Variants in KLF12 observed in about 807,000 individuals in gnomAD.
KLF12 encodes KLF transcription factor 12.
Under a neutral mutation model 37.8 loss-of-function variants are expected in KLF12, and 9 were observed. That is an observed-to-expected ratio of 0.24 (90% CI 0.14 to 0.42). KLF12 has a LOEUF of 0.42. KLF12 is among the 10% of genes least tolerant of loss of function. KLF12 has a pLI of 1.00. For missense variants in KLF12, 411 were observed against 516.0 expected (o/e 0.80, Z 1.97); for synonymous variants, 208 against 202.1 (o/e 1.03, Z -0.25).
the KLF12 span, among the ~76,000 whole-genome samples, chr13:74,239,765 C>T: frequency 6.6e-6 from 1 of 151,720 alleles, no homozygotes; most frequent in Non-Finnish European, 1.5e-5. Context: ...GATTGCAACC[C>T]CTGCCTTTTT....
intron 1 of KLF12, among the ~76,000 whole-genome samples, chr13:74,009,119 T>C (rs945798149): frequency 1.3e-5 from 2 of 152,232 alleles, no homozygotes; most frequent in Non-Finnish European, 1.5e-5. Flanking sequence ...ATTTCTTTTC[T>C]AAGCACAGTT....
chr13:74,106,001 T>C (rs1014109824), intron 1 of KLF12, among the ~76,000 whole-genome samples: 1 of 152,176 alleles, frequency 6.6e-6, no homozygotes, highest in African/African-American at 2.4e-5. Context: ...AATGGTGTAA[T>C]TGAACTTCAC....
intron 3 of KLF12, among the ~76,000 whole-genome samples, chr13:73,854,442 A>G (rs1474742526): frequency 6.6e-6 from 1 of 152,226 alleles, no homozygotes; most frequent in Non-Finnish European, 1.5e-5. Context: ...CAAATTTCAG[A>G]GAAAGAAAAC....
intron 1 of KLF12, among the ~76,000 whole-genome samples, chr13:74,045,564 T>A (rs149736078): frequency 3.3e-5 from 5 of 151,080 alleles, no homozygotes; most frequent in African/African-American, 1.2e-4. Context: ...CTGAATAAAG[T>A]ACAGTAGGTT....
chr13:73,789,614 TAA>T (rs902158603), intron 5 of KLF12, among the ~76,000 whole-genome samples: 2 of 151,860 alleles, frequency 1.3e-5, no homozygotes, highest in African/African-American at 4.8e-5. Flanking sequence ...GTAATGGAAA[TAA>T]AAGTTTCCCA....
At chr13:74,168,256 A>T in the KLF12 span, among the ~76,000 whole-genome samples, 1 of 152,096 alleles carries the variant, frequency 6.6e-6, no homozygotes, top group Non-Finnish European at 1.5e-5. Flanking sequence ...CTCACAGGGG[A>T]CCCAATATGC....
chr13:74,059,832 G>A (rs1405628472), intron 1 of KLF12, among the ~76,000 whole-genome samples: 1 of 152,140 alleles, frequency 6.6e-6, no homozygotes, highest in Non-Finnish European at 1.5e-5. Flanking sequence ...TGGGGAATTA[G>A]CCATAAACTC....
chr13:73,727,373 G>A (rs79749181), intron 6 of KLF12, among the ~76,000 whole-genome samples: 2,062 of 152,198 alleles, frequency 0.014, 26 homozygotes, highest in South Asian at 0.074. Context: ...TTTTGCGTAT[G>A]GTATAAGAAA....
chr13:73,809,199 C>T (rs1465659204), intron 5 of KLF12, among the ~76,000 whole-genome samples: 1 of 152,132 alleles, frequency 6.6e-6, no homozygotes, highest in Non-Finnish European at 1.5e-5. Flanking sequence ...ACAGAGAGAT[C>T]CACAGAGGTC....
chr13:73,709,473 A>C (rs1178908649), intron 7 of KLF12, among the ~76,000 whole-genome samples: 2 of 152,208 alleles, frequency 1.3e-5, no homozygotes, highest in Non-Finnish European at 2.9e-5. Context: ...AAGAGCATGC[A>C]AACCAACCTG....
intron 1 of KLF12, among the ~76,000 whole-genome samples, chr13:74,130,536 A>T (rs2139025472): frequency 6.6e-6 from 1 of 152,020 alleles, no homozygotes. Context: ...GTGCACCTGT[A>T]GTCCTGCCTA....
chr13:73,709,527 C>G (rs1418586585), intron 7 of KLF12, among the ~76,000 whole-genome samples: 2 of 152,144 alleles, frequency 1.3e-5, no homozygotes, highest in Non-Finnish European at 2.9e-5. Context: ...AACACTGTTA[C>G]AAAATCTTAT....
chr13:73,943,477 T>C (rs1306767787), intron 3 of KLF12, among the ~76,000 whole-genome samples: 3 of 152,246 alleles, frequency 2.0e-5, no homozygotes, highest in Admixed American at 2.0e-4. Context: ...CTTTCGCTTT[T>C]AGAAATTTTT....
intron 5 of KLF12, among the ~76,000 whole-genome samples, chr13:73,776,645 G>A (rs1394508416): frequency 1.3e-5 from 2 of 152,214 alleles, no homozygotes; most frequent in African/African-American, 4.8e-5. Flanking sequence ...TCCAGCCACT[G>A]GTGTTTGGTT....
the KLF12 span, among the ~76,000 whole-genome samples, chr13:74,207,914 C>G: frequency 7.2e-3 from 1,090 of 152,238 alleles, 16 homozygotes; most frequent in African/African-American, 0.025. Context: ...TACTCTGCTG[C>G]TCTACAAGTA....
intron 2 of KLF12, among the ~76,000 whole-genome samples, chr13:73,972,291 C>T (rs1891369801): frequency 6.6e-6 from 1 of 152,090 alleles, no homozygotes; most frequent in Non-Finnish European, 1.5e-5. Context: ...TCCCCATTAT[C>T]CTAATACATT....
chr13:74,146,482 G>T, the KLF12 span, among the ~76,000 whole-genome samples: 4,315 of 152,120 alleles, frequency 0.028, 205 homozygotes, highest in African/African-American at 0.095. Flanking sequence ...GACTGTTGCC[G>T]AAACACTGGG....
At chr13:73,927,511 G>T (rs1275365645) in intron 3 of KLF12, among the ~76,000 whole-genome samples, 3 of 152,112 alleles carry the variant, frequency 2.0e-5, no homozygotes, top group Non-Finnish European at 4.4e-5. Context: ...ACAAGAGTCA[G>T]CTCTGTTTCC....
chr13:73,945,994 G>A (rs1382218216), intron 2 of KLF12, among the ~76,000 whole-genome samples: 2 of 152,102 alleles, frequency 1.3e-5, no homozygotes, highest in Non-Finnish European at 2.9e-5. Context: ...ACTGGCTTCC[G>A]AGGTTGGCAG....
Sources: allele counts gnomAD v4.1 joint callset (sites outside exome capture counted in the v4.1 genomes callset), GRCh38; gene constraint gnomAD v4.1.1; transcripts MANE v1.5; gene names NCBI Gene and HGNC (gene_info 2026-07-23, HGNC 2026-07-21).